Variants in CACNA2D3 observed in about 807,000 individuals in gnomAD.
CACNA2D3 encodes voltage-dependent calcium channel subunit alpha-2/delta-3.
In CACNA2D3, 60 loss-of-function variants were observed where a neutral mutation model predicts 160.6. That is an observed-to-expected ratio of 0.37 (90% CI 0.30 to 0.46). The LOEUF (loss-of-function observed/expected upper bound fraction) is 0.46. CACNA2D3 is among the 20% of genes least tolerant of loss of function. The pLI is 1.00. For synonymous variants in CACNA2D3, 558 were observed against 492.9 expected (o/e 1.13, Z -1.75); for missense variants, 1,205 against 1,365.0 (o/e 0.88, Z 1.85).
At chr3:54,711,431 A>G (rs75087319) in intron 11 of CACNA2D3, among the ~76,000 whole-genome samples, 6 of 152,196 alleles carry the variant, frequency 3.9e-5, no homozygotes, top group Non-Finnish European at 1.5e-5. Flanking sequence ...CATGTAAACA[A>G]TGACACTATC....
intron 17 of CACNA2D3, among the ~76,000 whole-genome samples, chr3:54,860,333 T>C (rs951489469): frequency 2.0e-5 from 3 of 152,180 alleles, no homozygotes; most frequent in African/African-American, 7.2e-5. Flanking sequence ...ATATTCTGAT[T>C]CTTCCAAATG....
chr3:54,554,232 A>G (rs577354629), intron 5 of CACNA2D3, among the ~76,000 whole-genome samples: 1 of 152,132 alleles, frequency 6.6e-6, no homozygotes, highest in African/African-American at 2.4e-5. Context: ...ACAGACAGTA[A>G]CTCTCTGGCT....
intron 29 of CACNA2D3, among the ~76,000 whole-genome samples, chr3:54,970,371 C>CTTTTCTT (rs943564789): frequency 1.3e-5 from 2 of 151,786 alleles, no homozygotes; most frequent in African/African-American, 4.8e-5. Flanking sequence ...TCCTACAAAT[C>CTTTTCTT]TTTTCTTTTT....
chr3:54,161,667 CTG>C (rs1216295345), intron 2 of CACNA2D3, among the ~76,000 whole-genome samples: 1 of 152,226 alleles, frequency 6.6e-6, no homozygotes, highest in Non-Finnish European at 1.5e-5. Flanking sequence ...TTTGAAATGA[CTG>C]TTGCTTTTTT....
intron 9 of CACNA2D3, among the ~76,000 whole-genome samples, chr3:54,602,224 G>A (rs1367438131): frequency 3.9e-5 from 6 of 152,212 alleles, no homozygotes; most frequent in South Asian, 2.1e-4. Flanking sequence ...AAGGCCAGGC[G>A]TGGTGGCTCA....
chr3:54,741,628 C>T (rs1701651890), intron 11 of CACNA2D3, among the ~76,000 whole-genome samples: 1 of 151,602 alleles, frequency 6.6e-6, no homozygotes. Context: ...GTTATTTCAC[C>T]AGGCTCTGCA....
chr3:54,943,812 C>G (rs892263661), intron 27 of CACNA2D3, among the ~76,000 whole-genome samples: 1 of 152,166 alleles, frequency 6.6e-6, no homozygotes, highest in African/African-American at 2.4e-5. Context: ...ATGCAGGCAC[C>G]TAAGACTTCT....
intron 4 of CACNA2D3, among the ~76,000 whole-genome samples, chr3:54,428,641 T>C (rs1699944052): frequency 6.6e-6 from 1 of 152,222 alleles, no homozygotes; most frequent in African/African-American, 2.4e-5. Flanking sequence ...AAATGGGCCT[T>C]ATTTCTGCTA....
rs745443031 is a variant in CACNA2D3 at position 54,891,370 on chromosome 3, C to T, written c.2166C>T (p.Gly722=). ...ALNKSENSDK[G]VEVAFLGTRT... Reference sequence around the variant, plus strand: ...TCTGTTTCAGAAATTCTGACAAGGGCGTGGAGGTTGCCTTCCTCGGCACTC... The same window carrying T: ...TCTGTTTCAGAAATTCTGACAAGGGTGTGGAGGTTGCCTTCCTCGGCACTC... Residue 722 remains glycine, a synonymous_variant, in exon 25 of 38, where the codon GGC becomes GGT. Coordinates refer to ENST00000474759, the MANE Select transcript of CACNA2D3 (RefSeq NM_018398.3). 5.0e-6 allele frequency: 8 copies of T among 1,613,602 alleles called. No homozygotes were observed. The highest frequency in any genetic ancestry group is 2.7e-5 in the African/African-American group (2 of 74,896).
intron 2 of CACNA2D3, among the ~76,000 whole-genome samples, chr3:54,162,809 G>A (rs889301608): frequency 3.3e-5 from 5 of 152,130 alleles, no homozygotes; most frequent in African/African-American, 9.7e-5. Flanking sequence ...TCAGAGATAC[G>A]TAAGACAGAT....
chr3:54,940,105 A>C (rs1055984146), intron 27 of CACNA2D3, among the ~76,000 whole-genome samples: 1 of 152,066 alleles, frequency 6.6e-6, no homozygotes, highest in Admixed American at 6.6e-5. Flanking sequence ...GTCAGGAAAA[A>C]ACCACACACT....
chr3:54,883,499 G>T (rs1397056890), intron 21 of CACNA2D3, among the ~76,000 whole-genome samples: 1 of 152,182 alleles, frequency 6.6e-6, no homozygotes, highest in East Asian at 1.9e-4. Flanking sequence ...ACCCAGAGAA[G>T]AAGCAGTCAA....
chr3:54,179,860 A>T (rs1456095933), intron 2 of CACNA2D3, among the ~76,000 whole-genome samples: 1 of 152,058 alleles, frequency 6.6e-6, no homozygotes, highest in Non-Finnish European at 1.5e-5. Flanking sequence ...CAGAACTGAG[A>T]CGTGTATGTC....
At chr3:54,440,551 A>G (rs891256465) in intron 4 of CACNA2D3, among the ~76,000 whole-genome samples, 1 of 152,212 alleles carries the variant, frequency 6.6e-6, no homozygotes, top group Admixed American at 6.5e-5. Context: ...TTAGTTACAT[A>G]TGTATACATG....
intron 2 of CACNA2D3, among the ~76,000 whole-genome samples, chr3:54,256,158 C>T (rs1702289702): frequency 6.6e-6 from 1 of 152,120 alleles, no homozygotes; most frequent in African/African-American, 2.4e-5. Context: ...GACACTTTTT[C>T]TGGGGGACCT....
At chr3:54,174,244 G>A (rs1361708339) in intron 2 of CACNA2D3, among the ~76,000 whole-genome samples, 5 of 152,176 alleles carry the variant, frequency 3.3e-5, no homozygotes, top group African/African-American at 1.2e-4. Flanking sequence ...GATGTGCTAA[G>A]TGCTGCCCAA....
rs1488101436 is a variant in CACNA2D3 at position 54,511,604 on chromosome 3, T to A, written c.544+7950T>A. Among the ~76,000 whole-genome samples the A allele has an allele frequency of 3.9e-5, 6 of 152,320 alleles. No individual in the cohort carries two copies. In the East Asian group the frequency reaches 1.2e-3, roughly 29 times the overall value. On this transcript the variant is annotated intron_variant, in intron 5 of 37. Transcript: ENST00000474759. ...ATCTAATTTGTTTGTATTTTTAATC[T>A]CTTTTTTCAAAGGAATGGGAGTCCA... is the stretch of plus-strand genomic sequence containing the variant.
chr3:54,554,305 T>A (rs1702205530), intron 5 of CACNA2D3, among the ~76,000 whole-genome samples: 1 of 152,186 alleles, frequency 6.6e-6, no homozygotes, highest in Admixed American at 6.5e-5. Context: ...TGCCATTGTT[T>A]CTCTCCTCAT....
At chr3:55,069,758 G>C (rs1704757255) in intron 35 of CACNA2D3, among the ~76,000 whole-genome samples, 1 of 152,136 alleles carries the variant, frequency 6.6e-6, no homozygotes, top group Non-Finnish European at 1.5e-5. Context: ...GTCTGCTCAT[G>C]ATTTTTATAG....
Sources: allele counts gnomAD v4.1 joint callset (sites outside exome capture counted in the v4.1 genomes callset), GRCh38; gene constraint gnomAD v4.1.1; transcripts MANE v1.5; gene names NCBI Gene and HGNC (gene_info 2026-07-23, HGNC 2026-07-21).